The following STIM2 variants were observed in gnomAD, a reference collection of about 807,000 sequenced individuals.
STIM2 encodes stromal interaction molecule 2.
In STIM2, 31 loss-of-function variants were observed where a neutral mutation model predicts 85.8. That is an observed-to-expected ratio of 0.36 (90% CI 0.27 to 0.49). STIM2 has a LOEUF of 0.49. Among genes scored for constraint, STIM2 ranks in the 20% least tolerant of loss-of-function variants. The pLI, the probability that STIM2 is intolerant of heterozygous loss-of-function variation, is 0.98. For synonymous variants in STIM2, 356 were observed against 331.1 expected, an observed-to-expected ratio of 1.08 and a Z score of -0.82; for missense variants, 841 against 927.6, an observed-to-expected ratio of 0.91 and a Z score of 1.21.
chr4:26,995,908 C>T (rs898258357), intron 4 of STIM2, among the ~76,000 whole-genome samples: 5 of 151,972 alleles, frequency 3.3e-5, no homozygotes, highest in South Asian at 4.2e-4. Context: ...GGCGTCTATA[C>T]GTTATACCTG....
intron 2 of STIM2, among the ~76,000 whole-genome samples, chr4:26,951,454 A>G (rs1726048594): frequency 4.6e-5 from 7 of 152,140 alleles, no homozygotes; most frequent in Admixed American, 4.6e-4. Context: ...TAGGGCAGTC[A>G]TACGGCACAG....
chr4:26,902,666 T>C (rs1049888302), intron 1 of STIM2, among the ~76,000 whole-genome samples: 6 of 152,332 alleles, frequency 3.9e-5, no homozygotes, highest in African/African-American at 1.4e-4. Context: ...AAATTTCTGA[T>C]TTGAGTTCTG....
At chr4:26,903,410 T>G (rs1723999310) in intron 1 of STIM2, among the ~76,000 whole-genome samples, 1 of 152,222 alleles carries the variant, frequency 6.6e-6, no homozygotes, top group Non-Finnish European at 1.5e-5. Context: ...GGTTTTGTTA[T>G]ACACACGTGC....
chr4:26,972,100 C>G (rs1358151961), intron 3 of STIM2, among the ~76,000 whole-genome samples: 5 of 152,062 alleles, frequency 3.3e-5, no homozygotes, highest in African/African-American at 1.2e-4. Flanking sequence ...TGTATCCTGA[C>G]ACTTTACTGA....
At chr4:26,991,194 C>G (rs1332051150) in intron 3 of STIM2, among the ~76,000 whole-genome samples, 1 of 151,976 alleles carries the variant, frequency 6.6e-6, no homozygotes, top group East Asian at 1.9e-4. Context: ...TGTCCATCAT[C>G]AGGTGGATGG....
intron 1 of STIM2, among the ~76,000 whole-genome samples, chr4:26,869,892 A>G (rs1015869106): frequency 6.6e-6 from 1 of 151,774 alleles, no homozygotes; most frequent in African/African-American, 2.4e-5. Flanking sequence ...TAGCCAAGAT[A>G]TGGAAACAAC....
chr4:26,862,985 A>G (rs543414965), intron 1 of STIM2, among the ~76,000 whole-genome samples: 3 of 152,316 alleles, frequency 2.0e-5, no homozygotes, highest in African/African-American at 7.2e-5. Flanking sequence ...TGGTTAATAC[A>G]TAATTGGCTA....
chr4:26,953,749 G>A (rs552983926), intron 2 of STIM2, among the ~76,000 whole-genome samples: 14 of 152,038 alleles, frequency 9.2e-5, no homozygotes, highest in African/African-American at 3.4e-4. Flanking sequence ...TTCTCTTTCT[G>A]CATATTTATT....
chr4:26,873,983 GC>G, intron 1 of STIM2: 2 of 965,112 alleles, frequency 2.1e-6, no homozygotes, highest in Non-Finnish European at 3.3e-6. Flanking sequence ...GCTCTTCTGT[GC>G]CCCTCTCTTT....
chr4:26,973,074 A>G (rs1256861863), intron 3 of STIM2, among the ~76,000 whole-genome samples: 2 of 152,020 alleles, frequency 1.3e-5, no homozygotes, highest in African/African-American at 4.8e-5. Flanking sequence ...TTTCTGTGGG[A>G]TCGGTAGTGA....
intron 1 of STIM2, among the ~76,000 whole-genome samples, chr4:26,876,912 A>G (rs778106643): frequency 6.6e-6 from 1 of 152,134 alleles, no homozygotes; most frequent in Non-Finnish European, 1.5e-5. Flanking sequence ...TTACATATAT[A>G]CTTTCCAATA....
At chr4:26,981,826 T>C (rs181121871) in intron 3 of STIM2, among the ~76,000 whole-genome samples, 2 of 152,388 alleles carry the variant, frequency 1.3e-5, no homozygotes, top group East Asian at 3.9e-4. Context: ...GGAGTGATTC[T>C]TTTTATTATA....
intron 2 of STIM2, among the ~76,000 whole-genome samples, chr4:26,952,364 A>G (rs1380122103): frequency 6.6e-6 from 1 of 152,118 alleles, no homozygotes; most frequent in African/African-American, 2.4e-5. Flanking sequence ...AGTACCTCAC[A>G]CTGTCTTCAT....
rs746626920 is a variant in STIM2, at chr4:27,022,666, A to C, written c.1911A>C (p.Arg637=). Reference sequence around the variant, plus strand: ...AGGTGTCCCTAGAGGATTCCTCCCGAGGGGATTCGCCTGTAACTGTGGATG... The same window carrying C: ...AGGTGTCCCTAGAGGATTCCTCCCGCGGGGATTCGCCTGTAACTGTGGATG... Residue 637 remains arginine (R), a synonymous_variant, in exon 12 of 12, where the codon CGA becomes CGC. Transcript: ENST00000467087. 3.1e-6 allele frequency: 5 copies of C among 1,614,190 alleles called. No homozygotes were observed. Among genetic ancestry groups the C allele is most frequent in the Non-Finnish European group, 4.2e-6 (5 of 1,180,036 alleles).
intron 2 of STIM2, among the ~76,000 whole-genome samples, chr4:26,942,487 C>G (rs895577059): frequency 6.6e-6 from 1 of 152,210 alleles, no homozygotes; most frequent in Non-Finnish European, 1.5e-5. Flanking sequence ...AAAAGGACTT[C>G]TGTACTGTTT....
intron 1 of STIM2, among the ~76,000 whole-genome samples, chr4:26,917,622 TG>T (rs1724632363): frequency 6.6e-6 from 1 of 152,176 alleles, no homozygotes; most frequent in African/African-American, 2.4e-5. Flanking sequence ...CAAGTCATGT[TG>T]CTCCTAATTT....
At chr4:26,890,450 G>A (rs1461462730) in intron 1 of STIM2, among the ~76,000 whole-genome samples, 1 of 152,074 alleles carries the variant, frequency 6.6e-6, no homozygotes. Flanking sequence ...TTCATAATGG[G>A]CAGCTCAGGT....
intron 4 of STIM2, among the ~76,000 whole-genome samples, chr4:26,998,034 A>C (rs1728022294): frequency 6.6e-6 from 1 of 152,222 alleles, no homozygotes; most frequent in Non-Finnish European, 1.5e-5. Flanking sequence ...ACCTTAGGCA[A>C]GTTACTCAAC....
intron 8 of STIM2, 59 bp from the exon 9 acceptor site, chr4:27,008,369 T>TAATG: frequency 9.6e-7 from 1 of 1,036,414 alleles, no homozygotes; most frequent in South Asian, 1.7e-5. Context: ...ATGTTATATA[T>TAATG]ACAAAAATGT....
Sources: gnomAD v4.1 joint callset for allele counts (sites outside exome capture counted in the v4.1 genomes callset) on GRCh38, gnomAD v4.1.1 for gene constraint, MANE v1.5 for transcripts, NCBI Gene and HGNC (gene_info 2026-07-23, HGNC 2026-07-21) for gene names.